The following CHRM3 variants were observed in gnomAD, a reference collection of about 807,000 sequenced individuals.
CHRM3 encodes muscarinic acetylcholine receptor M3.
A neutral mutation model predicts 41.8 loss-of-function variants in CHRM3; 11 were observed. That is an observed-to-expected ratio of 0.26 (90% CI 0.17 to 0.44). The LOEUF (loss-of-function observed/expected upper bound fraction) is 0.44, where lower values mean the gene tolerates loss of function less well. CHRM3 is among the 20% of genes least tolerant of loss of function. The pLI, the probability that CHRM3 is intolerant of heterozygous loss-of-function variation, is 1.00. For synonymous variants in CHRM3, 297 were observed against 301.4 expected (o/e 0.99, Z 0.15); for missense variants, 571 against 745.4 (o/e 0.77, Z 2.72).
intron 1 of CHRM3, among the ~76,000 whole-genome samples, chr1:239,415,040 A>T (rs1661387605): frequency 6.6e-6 from 1 of 152,240 alleles, no homozygotes; most frequent in Non-Finnish European, 1.5e-5. Context: ...GCAGCTTTCA[A>T]ACAAATGCAT....
At chr1:239,684,481 G>A (rs1199626275) in intron 5 of CHRM3, among the ~76,000 whole-genome samples, 1 of 151,794 alleles carries the variant, frequency 6.6e-6, no homozygotes, top group Non-Finnish European at 1.5e-5. Context: ...ATCACTTGAG[G>A]TCAGGAGTTC....
intron 1 of CHRM3, among the ~76,000 whole-genome samples, chr1:239,453,188 G>A (rs1664685748): frequency 6.6e-6 from 1 of 152,200 alleles, no homozygotes; most frequent in South Asian, 2.1e-4. Flanking sequence ...CAGACTTCAA[G>A]CTCAATATGC....
chr1:239,805,026 A>G (rs1670520692), intron 5 of CHRM3, among the ~76,000 whole-genome samples: 1 of 152,028 alleles, frequency 6.6e-6, no homozygotes, highest in Non-Finnish European at 1.5e-5. Flanking sequence ...CGTTTCCTTA[A>G]CTCTTACATA....
chr1:239,669,504 A>G (rs1431447279), intron 4 of CHRM3, among the ~76,000 whole-genome samples: 1 of 152,222 alleles, frequency 6.6e-6, no homozygotes, highest in Non-Finnish European at 1.5e-5. Flanking sequence ...ATTGTTTAAT[A>G]TAAAGAACCA....
At chr1:239,600,302 A>G (rs1056000057) in intron 3 of CHRM3, among the ~76,000 whole-genome samples, 1 of 151,428 alleles carries the variant, frequency 6.6e-6, no homozygotes, top group Non-Finnish European at 1.5e-5. Flanking sequence ...GCCCTCTTTC[A>G]TCCTGTATGG....
chr1:239,404,666 C>T (rs951034512), intron 1 of CHRM3, among the ~76,000 whole-genome samples: 3 of 143,216 alleles, frequency 2.1e-5, no homozygotes, highest in Non-Finnish European at 3.0e-5. Context: ...CTCAGATGTC[C>T]GCTGGAAAAT....
intron 3 of CHRM3, among the ~76,000 whole-genome samples, chr1:239,590,447 G>A (rs1451798767): frequency 6.6e-6 from 1 of 151,986 alleles, no homozygotes; most frequent in East Asian, 1.9e-4. Context: ...AGTACATTTG[G>A]GAACCAAAGG....
chr1:239,541,978 A>C (rs1308451139), intron 2 of CHRM3, among the ~76,000 whole-genome samples: 1 of 152,144 alleles, frequency 6.6e-6, no homozygotes, highest in Non-Finnish European at 1.5e-5. Flanking sequence ...TCCTCTATTC[A>C]ACAGGAATCC....
At chr1:239,856,299 G>A (rs1283852288) in intron 6 of CHRM3, among the ~76,000 whole-genome samples, 10 of 152,162 alleles carry the variant, frequency 6.6e-5, no homozygotes, top group Admixed American at 1.3e-4. Flanking sequence ...AGTGTTGGAG[G>A]TGGGGCCTAG....
At chr1:239,393,171 C>T (rs1011317312) in intron 1 of CHRM3, among the ~76,000 whole-genome samples, 8 of 152,046 alleles carry the variant, frequency 5.3e-5, no homozygotes, top group African/African-American at 1.9e-4. Flanking sequence ...ACCCCCATCT[C>T]TTCAATAAAG....
At chr1:239,607,959 A>G (rs1476807843) in intron 3 of CHRM3, among the ~76,000 whole-genome samples, 1 of 152,146 alleles carries the variant, frequency 6.6e-6, no homozygotes, top group Non-Finnish European at 1.5e-5. Flanking sequence ...GAAAGCTTTC[A>G]CTGGGCAACT....
intron 5 of CHRM3, among the ~76,000 whole-genome samples, chr1:239,774,625 A>G (rs1003030830): frequency 1.3e-5 from 2 of 152,206 alleles, no homozygotes; most frequent in African/African-American, 4.8e-5. Context: ...GAGAGATTGC[A>G]TCATGTTTCA....
intron 5 of CHRM3, among the ~76,000 whole-genome samples, chr1:239,712,959 G>A (rs917408347): frequency 3.9e-5 from 6 of 152,154 alleles, no homozygotes; most frequent in African/African-American, 1.4e-4. Flanking sequence ...AAGTTAATCA[G>A]AGATGTGCTT....
chr1:239,603,665 A>C (rs574516985), intron 3 of CHRM3, among the ~76,000 whole-genome samples: 1 of 152,198 alleles, frequency 6.6e-6, no homozygotes, highest in African/African-American at 2.4e-5. Flanking sequence ...AGGAAATATT[A>C]GATATTTCAT....
At chr1:239,775,873 A>T (rs1221706275) in intron 5 of CHRM3, among the ~76,000 whole-genome samples, 2 of 152,188 alleles carry the variant, frequency 1.3e-5, no homozygotes, top group African/African-American at 4.8e-5. Context: ...ACAGGTTCTC[A>T]CCTGTGCTGA....
chr1:239,718,318 T>C (rs1358273115), intron 5 of CHRM3, among the ~76,000 whole-genome samples: 1 of 152,034 alleles, frequency 6.6e-6, no homozygotes, highest in Non-Finnish European at 1.5e-5. Flanking sequence ...GGAATGTGTC[T>C]TAGAGACCAA....
chr1:239,738,921 A>G (rs1664614034), intron 5 of CHRM3, among the ~76,000 whole-genome samples: 1 of 152,184 alleles, frequency 6.6e-6, no homozygotes, highest in African/African-American at 2.4e-5. Flanking sequence ...GGTCACTGCT[A>G]AGGCACAGTG....
intron 1 of CHRM3, among the ~76,000 whole-genome samples, chr1:239,398,059 G>A (rs977388598): frequency 1.1e-4 from 16 of 152,006 alleles, no homozygotes; most frequent in African/African-American, 3.1e-4. Context: ...ACTCGGGAAG[G>A]TCATTTTCCT....
rs563417891 is a variant in CHRM3, at chr1:239,914,395, C to G, written c.*5171C>G. ...TCAACATTCTGTGCACATCAATGTC[C>G]CATGCTGCTACTGTAGTCAGGAGTT... On this transcript the variant is annotated 3_prime_UTR_variant, in exon 7 of 7. Coordinates refer to ENST00000676153, the MANE Select transcript of CHRM3 (RefSeq NM_001375978.1). The G allele has an allele frequency of 6.0e-6, 1 of 167,074 alleles. No individual in the cohort carries two copies. 10.3% of individuals were successfully genotyped at this position (167,074 alleles called of 1,614,324 possible).
Sources: allele counts gnomAD v4.1 joint callset (sites outside exome capture counted in the v4.1 genomes callset), GRCh38; gene constraint gnomAD v4.1.1; transcripts MANE v1.5; gene names NCBI Gene and HGNC (gene_info 2026-07-23, HGNC 2026-07-21).